Variants in HDGFL1 observed in about 807,000 individuals in gnomAD.
The protein encoded by HDGFL1 is HDGF like 1, also known as hepatoma-derived growth factor-like protein 1.
For missense variants in HDGFL1, 422 were observed against 365.3 expected, an observed-to-expected ratio of 1.16 and a Z score of -1.27; for synonymous variants, 190 against 165.1, an observed-to-expected ratio of 1.15 and a Z score of -1.16.
At position 22,570,339 on chromosome 6, in the gene HDGFL1, C is replaced by A. The variant is rs773656099; in HGVS notation, c.*8C>A. On this transcript the variant is annotated 3_prime_UTR_variant, in exon 1 of 1. Transcript: ENST00000510882. The stretch of plus-strand genomic sequence containing the variant: ...GATCGCGACAGCCTGTAGTTACCAG[C>A]GTTTCCAGAAGAGCCCCTGCCCCGT... The A allele has an allele frequency of 5.5e-6, 8 of 1,450,680 alleles. No individual in the cohort carries two copies. The East Asian group carries it at 1.8e-4, about 32-fold the overall frequency. The allele number at this position is 1,450,680 out of a possible 1,614,324, so 89.9% of individuals were successfully genotyped here. A position where few individuals can be genotyped will look rare whatever the true frequency, so the allele number is the denominator to read the frequency against.
rs1426157975 is a variant in HDGFL1, at chr6:22,570,196, T to A, written c.621T>A (p.Pro207=). 6.4e-7 allele frequency: 1 copy of A among 1,564,180 alleles called. No homozygotes were observed. The highest frequency in any genetic ancestry group is 1.9e-5 in the Admixed American group (1 of 51,612). ...TGGCGGTGGAGAACGGCAGCGCCCCTAGCGAGCCGGGCCTGGTCTGCGAGC... is the reference window on the plus strand; with the variant it reads ...TGGCGGTGGAGAACGGCAGCGCCCCAAGCGAGCCGGGCCTGGTCTGCGAGC... ...FLVAVENGSA[P]SEPGLVCEPP... is the part of the protein sequence containing the mutation. Residue 207 remains proline, a synonymous_variant, in exon 1 of 1, where the codon CCT becomes CCA. Transcript: ENST00000510882.
chr6:22,570,007 G>T lies in HDGFL1; in HGVS notation c.432G>T (p.Pro144=), dbSNP rs569991130. ...DDKPTEEEKG[P]LKRSAGDPPE... ...AGCCCACTGAGGAGGAGAAGGGGCC[G>T]CTGAAGAGGAGCGCGGGGGACCCGC... The change falls in exon 1 of 1, where the codon CCG becomes CCT. Residue 144 remains proline, a synonymous_variant. Coordinates refer to ENST00000510882, the MANE Select transcript of HDGFL1 (RefSeq NM_138574.4). 1.4e-5 allele frequency: 22 copies of T among 1,548,396 alleles called. No homozygotes were observed. The African/African-American group carries it at 1.9e-4, about 13-fold the overall frequency.
In HDGFL1 at chr6:22,570,988, G is replaced by A. The variant is rs1031007452; in HGVS notation, c.*657G>A. 23 of 166,978 alleles carry A rather than the reference G, an allele frequency of 1.4e-4. No individual in the cohort carries two copies. Among genetic ancestry groups the A allele is most frequent in the African/African-American group, 5.3e-4 (22 of 41,434 alleles). 10.3% of individuals were successfully genotyped at this position (166,978 alleles called of 1,614,324 possible). On this transcript the variant is annotated 3_prime_UTR_variant, in exon 1 of 1. Transcript: ENST00000510882. ...CTTTTGCTGACCCAGGAAGTTCTGG[G>A]AGTTGCCGTTTTTCATCAAAACGTT...
At position 22,569,838 on chromosome 6, in the gene HDGFL1, T is replaced by C; in HGVS notation, c.263T>C (p.Val88Ala). The change falls in exon 1 of 1, where the codon GTC becomes GCC. Residue 88 changes from valine (V) to alanine (A), a missense_variant. By Grantham distance (64) the Val-to-Ala change is moderately conservative. Coordinates refer to ENST00000510882, the MANE Select transcript of HDGFL1 (RefSeq NM_138574.4). Reference sequence around the variant, plus strand: ...TGGGAAATCGAGAACAACCCCACGGTCCAGGCCTCCGACTGCCCATTAGCC... The same window carrying C: ...TGGGAAATCGAGAACAACCCCACGGCCCAGGCCTCCGACTGCCCATTAGCC... ...GLWEIENNPT[V>A]QASDCPLASE... 1.2e-6 allele frequency: 2 copies of C among 1,607,990 alleles called. No homozygotes were observed. Among genetic ancestry groups the C allele is most frequent in the South Asian group, 1.1e-5 (1 of 90,094 alleles).
chr6:22,570,116 A>G lies in HDGFL1; in HGVS notation c.541A>G (p.Arg181Gly), dbSNP rs1472813573. The change falls in exon 1 of 1, where the codon AGG (arginine) becomes GGG (glycine). Residue 181 changes from arginine (R) to glycine (G), a missense_variant. Transcript: ENST00000510882. The part of the protein sequence containing the change: ...AEAERAAEAE[R>G]AAAAAAATAV... ...GGCGGAGAGGGCGGCGGAAGCGGAG[A>G]GGGCGGCGGCGGCGGCGGCGGCGAC... 17 of 1,514,682 alleles carry G rather than the reference A, an allele frequency of 1.1e-5. No homozygotes were observed. Among genetic ancestry groups the G allele is most frequent in the Non-Finnish European group, 1.5e-5 (17 of 1,128,384 alleles). 93.8% of individuals were successfully genotyped at this position (1,514,682 alleles called of 1,614,324 possible). A position where few individuals can be genotyped will look rare whatever the true frequency, so the allele number is the denominator to read the frequency against.
At position 22,570,509 on chromosome 6, in the gene HDGFL1, C is replaced by T. The variant is rs182255843; in HGVS notation, c.*178C>T. The T allele has an allele frequency of 1.1e-3, 587 of 522,768 alleles. 1 individual carries two copies. Among genetic ancestry groups the T allele is most frequent in the African/African-American group, 0.011 (534 of 49,856 alleles). 32.4% of individuals were successfully genotyped at this position (522,768 alleles called of 1,614,324 possible). A position where few individuals can be genotyped will look rare whatever the true frequency, so the allele number is the denominator to read the frequency against. ...GGATGGCAGGCCACCTGACTCTCAC[C>T]TCTGTGCCCCCACGCCTCTGTGATC... is the stretch of plus-strand genomic sequence containing the variant. On this transcript the variant is annotated 3_prime_UTR_variant, in exon 1 of 1. Coordinates refer to ENST00000510882, the MANE Select transcript of HDGFL1 (RefSeq NM_138574.4).
rs1175253849 is a variant in HDGFL1, at chr6:22,570,019, C to A, written c.444C>A (p.Ser148Arg). 6.5e-7 allele frequency: 1 copy of A among 1,547,482 alleles called. No homozygotes were observed. Among genetic ancestry groups the A allele is most frequent in the Non-Finnish European group, 8.7e-7 (1 of 1,146,382 alleles). ...TEEEKGPLKR[S>R]AGDPPEDAPK... is the part of the protein sequence containing the mutation. ...AGGAGAAGGGGCCGCTGAAGAGGAGCGCGGGGGACCCGCCGGAGGACGCCC... is the reference window on the plus strand; with the variant it reads ...AGGAGAAGGGGCCGCTGAAGAGGAGAGCGGGGGACCCGCCGGAGGACGCCC... Residue 148 changes from serine (S) to arginine (R), a missense_variant, in exon 1 of 1, where the codon AGC (serine) becomes AGA (arginine). Coordinates refer to ENST00000510882, the MANE Select transcript of HDGFL1 (RefSeq NM_138574.4).
chr6:22,570,303 C>T lies in HDGFL1; in HGVS notation c.728C>T (p.Pro243Leu), dbSNP rs1160115701. 1 of 1,488,244 alleles carries T rather than the reference C, an allele frequency of 6.7e-7. No individual in the cohort carries two copies. Among genetic ancestry groups the T allele is most frequent in the Non-Finnish European group, 8.9e-7 (1 of 1,123,426 alleles). 92.2% of individuals were successfully genotyped at this position (1,488,244 alleles called of 1,614,324 possible). A position where few individuals can be genotyped will look rare whatever the true frequency, so the allele number is the denominator to read the frequency against. Residue 243 changes from proline (P) to leucine (L), a missense_variant, in exon 1 of 1, where the codon CCG becomes CTG. By Grantham distance (98) the Pro-to-Leu change is moderately conservative. Coordinates refer to ENST00000510882, the MANE Select transcript of HDGFL1 (RefSeq NM_138574.4). ...TCCCAGGAGTGGCATGCCGAGGCAC[C>T]GGGCGGCGGAGATCGCGACAGCCTG... ...EASQEWHAEA[P>L]GGGDRDSL
rs1304901796 is a variant in HDGFL1, at chr6:22,570,957, C to T, written c.*626C>T. On this transcript the variant is annotated 3_prime_UTR_variant, in exon 1 of 1. Transcript: ENST00000510882. ...TGTGGGGAATGCCCCCCGCCTTCCA[C>T]AAATCCTTTTGCTGACCCAGGAAGT... 1 of 167,110 alleles carries T rather than the reference C, an allele frequency of 6.0e-6. No individual in the cohort carries two copies. Among genetic ancestry groups the T allele is most frequent in the Admixed American group, 6.5e-5 (1 of 15,294 alleles). The allele number at this position is 167,110 out of a possible 1,614,324, so 10.4% of individuals were successfully genotyped here.
Position 22,570,081 on chromosome 6 carries a change from AGGAGGCGGAGGCGGAGAG to A in HDGFL1, c.509_526del (p.Glu170_Arg175del). On this transcript the variant is annotated inframe_deletion, in exon 1 of 1. Coordinates refer to ENST00000510882, the MANE Select transcript of HDGFL1 (RefSeq NM_138574.4). Reference sequence around the variant, plus strand: ...AAGGAGGCAGCCCCCGACCAAGAGGAGGAGGCGGAGGCGGAGAGGGCGGCGGAAGCGGAGAGGGCGGCG... The same window carrying A: ...AAGGAGGCAGCCCCCGACCAAGAGGAGGCGGCGGAAGCGGAGAGGGCGGCG... The A allele has an allele frequency of 6.5e-7, 1 of 1,538,824 alleles. No homozygotes were observed. Among genetic ancestry groups the A allele is most frequent in the Non-Finnish European group, 8.7e-7 (1 of 1,143,100 alleles).
At position 22,569,847 on chromosome 6, in the gene HDGFL1, C is replaced by G. The variant is rs1263037182; in HGVS notation, c.272C>G (p.Ser91Cys). 1 of 1,605,194 alleles carries G rather than the reference C, an allele frequency of 6.2e-7. No individual in the cohort carries two copies. Among genetic ancestry groups the G allele is most frequent in the African/African-American group, 1.3e-5 (1 of 74,696 alleles). The change falls in exon 1 of 1, where the codon TCC (serine) becomes TGC (cysteine). Residue 91 changes from serine to cysteine, a missense_variant. Coordinates refer to ENST00000510882, the MANE Select transcript of HDGFL1 (RefSeq NM_138574.4). The part of the protein sequence containing the change: ...EIENNPTVQA[S>C]DCPLASEKGS... ...GAGAACAACCCCACGGTCCAGGCCT[C>G]CGACTGCCCATTAGCCTCAGAGAAG...
chr6:22,570,240 A>G lies in HDGFL1; in HGVS notation c.665A>G (p.Glu222Gly). 6.4e-7 allele frequency: 1 copy of G among 1,560,910 alleles called. No homozygotes were observed. Among genetic ancestry groups the G allele is most frequent in the Non-Finnish European group, 8.6e-7 (1 of 1,159,616 alleles). ...TGCGAGCCGCCTCAGCCAGAGGAGG[A>G]GGAGCTCCGGGAGGAAGAAGTCGCG... ...LVCEPPQPEE[E>G]ELREEEVADE... Residue 222 changes from glutamate (E) to glycine (G), a missense_variant, in exon 1 of 1, where the codon GAG becomes GGG. Transcript: ENST00000510882.
rs962987565 is a variant in HDGFL1, at chr6:22,571,578, A to C, written c.*1247A>C. On this transcript the variant is annotated 3_prime_UTR_variant, in exon 1 of 1. Coordinates refer to ENST00000510882, the MANE Select transcript of HDGFL1 (RefSeq NM_138574.4). ...CCTCTCCCTTGGGCTCTGATGAAAA[A>C]TTGTTGACTGCAGTTTCGGAAGTTT... 6.0e-6 allele frequency: 1 copy of C among 167,074 alleles called. No homozygotes were observed. Among genetic ancestry groups the C allele is most frequent in the African/African-American group, 2.4e-5 (1 of 41,438 alleles). 10.3% of individuals were successfully genotyped at this position (167,074 alleles called of 1,614,324 possible). A position where few individuals can be genotyped will look rare whatever the true frequency, so the allele number is the denominator to read the frequency against.
rs1005582896 is a variant in HDGFL1 at position 22,570,141 on chromosome 6, C to G, written c.566C>G (p.Thr189Arg). 3 of 1,538,238 alleles carry G rather than the reference C, an allele frequency of 2.0e-6. No individual in the cohort carries two copies. The highest frequency in any genetic ancestry group is 1.2e-5 in the South Asian group (1 of 81,678). The change falls in exon 1 of 1, where the codon ACG becomes AGG. Residue 189 changes from threonine to arginine, a missense_variant. Physicochemically the swap from Thr to Arg is moderately conservative, Grantham distance 71 (BLOSUM62 -1). Coordinates refer to ENST00000510882, the MANE Select transcript of HDGFL1 (RefSeq NM_138574.4). ...AERAAAAAAA[T>R]AVDEESPFLV... is the part of the protein sequence containing the mutation. ...AGGGCGGCGGCGGCGGCGGCGGCGA[C>G]GGCCGTCGACGAGGAGAGTCCGTTC...
Position 22,570,024 on chromosome 6 carries a change from G to C in HDGFL1, c.449G>C (p.Gly150Ala). The change falls in exon 1 of 1, where the codon GGG (glycine) becomes GCG (alanine). Residue 150 changes from glycine (G) to alanine (A), a missense_variant. Gly to Ala is a moderately conservative substitution (Grantham distance 60). Coordinates refer to ENST00000510882, the MANE Select transcript of HDGFL1 (RefSeq NM_138574.4). ...AAGGGGCCGCTGAAGAGGAGCGCGG[G>C]GGACCCGCCGGAGGACGCCCCCAAA... ...EEKGPLKRSA[G>A]DPPEDAPKRP... 6.5e-7 allele frequency: 1 copy of C among 1,547,370 alleles called. No homozygotes were observed. The highest frequency in any genetic ancestry group is 1.2e-5 in the South Asian group (1 of 83,950).
At position 22,569,903 on chromosome 6, in the gene HDGFL1, G is replaced by A. The variant is rs766727637; in HGVS notation, c.328G>A (p.Glu110Lys). The change falls in exon 1 of 1, where the codon GAG (glutamate) becomes AAG (lysine). Residue 110 changes from glutamate (E) to lysine (K), a missense_variant. Coordinates refer to ENST00000510882, the MANE Select transcript of HDGFL1 (RefSeq NM_138574.4). ...CGGAGACGGGCCTTGGCCGGAGCCC[G>A]AGGCCGCAGAGGGCGACGAGGACAA... is the stretch of plus-strand genomic sequence containing the variant. ...GSGDGPWPEP[E>K]AAEGDEDKPT... 1.9e-6 allele frequency: 3 copies of A among 1,560,732 alleles called. No individual in the cohort carries two copies. Among genetic ancestry groups the A allele is most frequent in the South Asian group, 2.3e-5 (2 of 85,228 alleles).
rs1484009979 is a variant in HDGFL1 at position 22,570,193 on chromosome 6, C to T, written c.618C>T (p.Ala206=). Residue 206 remains alanine, a synonymous_variant, in exon 1 of 1, where the codon GCC becomes GCT. Coordinates refer to ENST00000510882, the MANE Select transcript of HDGFL1 (RefSeq NM_138574.4). ...PFLVAVENGS[A]PSEPGLVCEP... Reference sequence around the variant, plus strand: ...TCGTGGCGGTGGAGAACGGCAGCGCCCCTAGCGAGCCGGGCCTGGTCTGCG... The same window carrying T: ...TCGTGGCGGTGGAGAACGGCAGCGCTCCTAGCGAGCCGGGCCTGGTCTGCG... 2 of 1,564,504 alleles carry T rather than the reference C, an allele frequency of 1.3e-6. No individual in the cohort carries two copies. The highest frequency in any genetic ancestry group is 1.7e-6 in the Non-Finnish European group (2 of 1,160,084).
chr6:22,571,627 G>T lies in HDGFL1; in HGVS notation c.*1296G>T. On this transcript the variant is annotated 3_prime_UTR_variant, in exon 1 of 1. Transcript: ENST00000510882. ...TTGATCTGAGAACCAACCATAGAAT[G>T]TTTCAGTTCTAGGAAATAAAACCAG... 1 of 167,142 alleles carries T rather than the reference G, an allele frequency of 6.0e-6. No individual in the cohort carries two copies. The highest frequency in any genetic ancestry group is 1.9e-4 in the East Asian group (1 of 5,190). The allele number at this position is 167,142 out of a possible 1,614,324, so 10.4% of individuals were successfully genotyped here. A position where few individuals can be genotyped will look rare whatever the true frequency, so the allele number is the denominator to read the frequency against.
chr6:22,569,609 G>A lies in HDGFL1; in HGVS notation c.34G>A (p.Gly12Arg). The A allele has an allele frequency of 6.2e-7, 1 of 1,614,176 alleles. No individual in the cohort carries two copies. The highest frequency in any genetic ancestry group is 8.5e-7 in the Non-Finnish European group (1 of 1,180,028). ...SAYGMPMYKS[G>R]DLVFAKLKGY... ...CTACGGCATGCCCATGTACAAGAGC[G>A]GGGACCTGGTGTTTGCCAAGTTAAA... Residue 12 changes from glycine (G) to arginine (R), a missense_variant, in exon 1 of 1, where the codon GGG (glycine) becomes AGG (arginine). By Grantham distance (125) the Gly-to-Arg change is moderately radical (BLOSUM62 -2). Transcript: ENST00000510882.
Sources: allele counts gnomAD v4.1 joint callset, GRCh38; gene constraint gnomAD v4.1.1; transcripts MANE v1.5; gene names NCBI Gene and HGNC (gene_info 2026-07-23, HGNC 2026-07-21).